AMZ1: variants seen among roughly 807,000 people sequenced by gnomAD.
The protein encoded by AMZ1 is archaemetzincin-1.
AMZ1 carries 39 observed loss-of-function variants against 29.9 expected under a neutral mutation model. The observed-to-expected ratio is 1.30, with a 90% CI of 1.01 to 1.70. The LOEUF is 1.70. AMZ1 is among the 40% of genes most tolerant of loss of function. AMZ1 has a pLI of 0.00. For missense variants in AMZ1, 1,041 were observed against 680.6 expected (o/e 1.53, Z -5.89); for synonymous variants, 458 against 304.0 (o/e 1.51, Z -5.27).
intron 4 of AMZ1, among the ~76,000 whole-genome samples, chr7:2,759,280 G>A (rs1201527862): frequency 1.3e-5 from 2 of 152,112 alleles, no homozygotes; most frequent in African/African-American, 4.8e-5. Flanking sequence ...TTTACATGAA[G>A]TTAAAACACA....
In AMZ1 at chr7:2,700,279, C is replaced by A. The variant is rs1372228302; in HGVS notation, c.-173C>A. On this transcript the variant is annotated 5_prime_UTR_variant, in exon 2 of 7. Coordinates refer to ENST00000683327, the MANE Select transcript of AMZ1 (RefSeq NM_001384743.1). ...GCCCATGCCTGAGAGCGTCCAGGAC[C>A]AGGCAGAGCTGGGCCTTAAGGGCCC... is the stretch of plus-strand genomic sequence containing the variant. The A allele has an allele frequency of 4.1e-6, 3 of 726,356 alleles. No individual in the cohort carries two copies. The East Asian group carries it at 8.1e-5, about 20-fold the overall frequency. The allele number at this position is 726,356 out of a possible 1,614,324, so 45.0% of individuals were successfully genotyped here.
At position 2,745,756 on chromosome 7, in the gene AMZ1, T is replaced by G. The variant is rs913635178; in HGVS notation, n.551-18956T>G. On this transcript the variant is annotated intron_variant and non_coding_transcript_variant, in intron 4 of 4. Transcript: ENST00000489665. Reference sequence around the variant, plus strand: ...GATAAAGAGTCAAGACCCATCAGTGTGCTGTATTCAGGAAACCCATCTCAC... The same window carrying G: ...GATAAAGAGTCAAGACCCATCAGTGGGCTGTATTCAGGAAACCCATCTCAC... Among the ~76,000 whole-genome samples the G allele has an allele frequency of 7.0e-4, 106 of 152,320 alleles. 1 individual carries two copies. Among genetic ancestry groups the G allele is most frequent in the Non-Finnish European group, 1.2e-3 (83 of 68,024 alleles).
intron 4 of AMZ1, among the ~76,000 whole-genome samples, chr7:2,757,050 G>A (rs1791332076): frequency 1.3e-5 from 2 of 152,102 alleles, no homozygotes; most frequent in Non-Finnish European, 2.9e-5. Flanking sequence ...ACTCCAGTCT[G>A]GGCAACAGAG....
chr7:2,717,815 G>A lies in AMZ1; in HGVS notation c.*4937G>A, dbSNP rs1383746693. Among the ~76,000 whole-genome samples, 1 of 152,188 alleles carries A rather than the reference G, an allele frequency of 6.6e-6. No homozygotes were observed. The highest frequency in any genetic ancestry group is 2.4e-5 in the African/African-American group (1 of 41,436). ...GGTTTATTTTTGAACTCAGCTTCTT[G>A]GGTAGGGAGGCAAATGAAAACAGGC... On this transcript the variant is annotated 3_prime_UTR_variant, in exon 7 of 7. Transcript: ENST00000683327.
rs113708312 is a variant in AMZ1, at chr7:2,709,905, A to G, written c.948+89A>G. Reference sequence around the variant, plus strand: ...CCTGGAGGCTACGCAGGGCATGGGGACCGCACACAGGCTTTGTCAACTGCC... The same window carrying G: ...CCTGGAGGCTACGCAGGGCATGGGGGCCGCACACAGGCTTTGTCAACTGCC... On this transcript the variant is annotated intron_variant, in intron 6 of 6. Transcript: ENST00000683327. 8.1e-5 allele frequency: 124 copies of G among 1,532,946 alleles called. 3 individuals are homozygous for G. In the African/African-American group the frequency reaches 1.3e-3, roughly 16 times the overall value. The allele number at this position is 1,532,946 out of a possible 1,614,324, so 95.0% of individuals were successfully genotyped here.
intron 4 of AMZ1, among the ~76,000 whole-genome samples, chr7:2,741,537 A>G (rs1337263281): frequency 6.6e-6 from 1 of 152,192 alleles, no homozygotes; most frequent in East Asian, 1.9e-4. Context: ...CAGCCTTTGT[A>G]GTAGCCAGAA....
In AMZ1 at chr7:2,712,353, G is replaced by C. The variant is rs61745221; in HGVS notation, c.972G>C (p.Ala324=). Residue 324 remains alanine (A), a synonymous_variant, in exon 7 of 7, where the codon GCG becomes GCC. Transcript: ENST00000683327. ...AGAGACTCTACACCTGGACTCAGGCGGTGGTGGGGACGTGGCCCAGCCAGG... is the reference window on the plus strand; with the variant it reads ...AGAGACTCTACACCTGGACTCAGGCCGTGGTGGGGACGTGGCCCAGCCAGG... ...RYQRLYTWTQ[A]VVGTWPSQEA... is the part of the protein sequence containing the mutation. 1.8e-5 allele frequency: 29 copies of C among 1,596,874 alleles called. No homozygotes were observed. Among genetic ancestry groups the C allele is most frequent in the Non-Finnish European group, 8.5e-6 (10 of 1,171,332 alleles).
chr7:2,691,749 T>A (rs199938710), intron 1 of AMZ1, among the ~76,000 whole-genome samples: 1,479 of 73,518 alleles, frequency 0.02, 6 homozygotes, highest in East Asian at 0.045. Context: ...AAAAAAAAAA[T>A]AAGTGATTTT....
At chr7:2,744,295 C>G (rs798507) in intron 4 of AMZ1, among the ~76,000 whole-genome samples, 1 of 152,150 alleles carries the variant, frequency 6.6e-6, no homozygotes, top group African/African-American at 2.4e-5. Flanking sequence ...ACACCTCACA[C>G]GGCCGGGTAC....
upstream of AMZ1, among the ~76,000 whole-genome samples, chr7:2,759,699 A>G (rs1791467951): frequency 1.3e-5 from 2 of 152,168 alleles, no homozygotes; most frequent in Non-Finnish European, 2.9e-5. Context: ...TTCTGTAGTC[A>G]TACAGGATAG....
At chr7:2,745,514 AG>A (rs1205874807) in intron 4 of AMZ1, among the ~76,000 whole-genome samples, 1 of 152,246 alleles carries the variant, frequency 6.6e-6, no homozygotes, top group Non-Finnish European at 1.5e-5. Context: ...GAACTCCTGA[AG>A]GAAGTGCTAA....
chr7:2,708,030 C>T (rs1164428512), intron 3 of AMZ1, among the ~76,000 whole-genome samples: 2 of 151,938 alleles, frequency 1.3e-5, no homozygotes, highest in African/African-American at 2.4e-5. Flanking sequence ...GTCATGTTGG[C>T]CAGGCTGGTC....
intron 4 of AMZ1, among the ~76,000 whole-genome samples, chr7:2,742,371 G>C (rs139933446): frequency 1.3e-5 from 2 of 152,090 alleles, no homozygotes; most frequent in Non-Finnish European, 2.9e-5. Context: ...GGGTTTTTGC[G>C]ATGTCTCCAG....
rs763000348 is a variant in AMZ1, at chr7:2,708,743, G to A, written c.601+27G>A. 3.1e-5 allele frequency: 50 copies of A among 1,611,164 alleles called. No homozygotes were observed. The Middle Eastern group carries it at 5.7e-4, about 18-fold the overall frequency. On this transcript the variant is annotated intron_variant, in intron 4 of 6. Coordinates refer to ENST00000683327, the MANE Select transcript of AMZ1 (RefSeq NM_001384743.1). ...TGAGCCGGGGCCCCAGCAGCTGTGC[G>A]TGGGGGGTAGCCTGGCATGGGGCTG...
chr7:2,688,376 C>T (rs1787176666), intron 1 of AMZ1, 80 bp downstream of exon 1: 1 of 151,798 alleles, frequency 6.6e-6, no homozygotes. Context: ...GTAGGGGCAG[C>T]TCCGGGTCCA....
rs112677672 is a variant in AMZ1 at position 2,680,465 on chromosome 7, C to T, written c.-219+794C>T. Among the ~76,000 whole-genome samples the T allele has an allele frequency of 2.7e-3, 412 of 152,276 alleles. 3 individuals carry two copies. Among genetic ancestry groups the T allele is most frequent in the African/African-American group, 9.5e-3 (395 of 41,538 alleles). On this transcript the variant is annotated intron_variant, in intron 1 of 6. Coordinates refer to the AMZ1 transcript ENST00000312371. ...GCCCAGACATGCAGCCGCCCTGGGC[C>T]GCGAAGCCTCAAGAGGGAGCCGGGC...
At chr7:2,762,775 G>C (rs780469944), upstream of AMZ1, 4 of 1,546,466 alleles carry the variant, frequency 2.6e-6, no homozygotes, top group African/African-American at 1.4e-5. Flanking sequence ...TTTCCACCCA[G>C]GCTGTACAAA....
intron 4 of AMZ1, 22 bp from the exon 5 acceptor site, chr7:2,709,053 C>T: frequency 6.5e-7 from 1 of 1,549,300 alleles, no homozygotes; most frequent in Non-Finnish European, 8.7e-7. Flanking sequence ...CTGAGAGTGC[C>T]CTTCTCTCCA....
rs1789081739 is a variant in AMZ1 at position 2,715,703 on chromosome 7, TCCC to T, written c.*2828_*2830del. 1 of 152,210 alleles carries T rather than the reference TCCC, an allele frequency of 6.6e-6. No homozygotes were observed. Among genetic ancestry groups the T allele is most frequent in the South Asian group, 2.1e-4 (1 of 4,824 alleles). The allele number at this position is 152,210 out of a possible 1,614,324, so 9.4% of individuals were successfully genotyped here. The stretch of plus-strand genomic sequence containing the variant: ...GGAAGAGAAATTGGTTTCCCTCCTC[TCCC>T]CCGTGTTAGCCCCAGGTTCTGTCTG... On this transcript the variant is annotated 3_prime_UTR_variant, in exon 7 of 7. Transcript: ENST00000683327.
Sources: allele counts gnomAD v4.1 joint callset (sites outside exome capture counted in the v4.1 genomes callset), GRCh38; gene constraint gnomAD v4.1.1; transcripts MANE v1.5; gene names NCBI Gene and HGNC (gene_info 2026-07-23, HGNC 2026-07-21).